WDR49: variants seen among roughly 807,000 people sequenced by gnomAD.
WDR49 encodes the protein cilia- and flagella-associated protein 337.
In WDR49, 107 loss-of-function variants were observed where a neutral mutation model predicts 119.5. That is an observed-to-expected ratio of 0.90 (90% CI 0.77 to 1.05). WDR49 has a LOEUF of 1.05. Among genes scored for constraint, WDR49 ranks in the 50% least tolerant of loss-of-function variants. WDR49 has a pLI of 0.00. For synonymous variants in WDR49, 425 were observed against 418.8 expected, an observed-to-expected ratio of 1.01 and a Z score of -0.18; for missense variants, 1,240 against 1,220.5, an observed-to-expected ratio of 1.02 and a Z score of -0.24.
At chr3:167,612,658 G>C (rs1716395017) in intron 5 of WDR49, among the ~76,000 whole-genome samples, 2 of 152,048 alleles carry the variant, frequency 1.3e-5, no homozygotes. Context: ...CAGAAATTCA[G>C]AAGATTGTTA....
intron 7 of WDR49, among the ~76,000 whole-genome samples, chr3:167,592,101 AATACT>A (rs1172520047): frequency 1.3e-5 from 2 of 152,142 alleles, no homozygotes; most frequent in African/African-American, 4.8e-5. Context: ...GAGGCTTGAA[AATACT>A]ATCTTATAAT....
At chr3:167,489,855 T>A (rs1751064661) in intron 18 of WDR49, among the ~76,000 whole-genome samples, 1 of 152,138 alleles carries the variant, frequency 6.6e-6, no homozygotes, top group South Asian at 2.1e-4. Flanking sequence ...ACATTCTTCC[T>A]CCTATTCTGT....
intron 8 of WDR49, among the ~76,000 whole-genome samples, chr3:167,569,509 C>CA (rs1450166509): frequency 1.3e-5 from 2 of 150,930 alleles, no homozygotes; most frequent in Non-Finnish European, 3.0e-5. Flanking sequence ...TGCAAATATC[C>CA]AAAAAAAGTT....
intron 2 of WDR49, among the ~76,000 whole-genome samples, chr3:167,640,905 A>C (rs1216101292): frequency 6.6e-6 from 1 of 151,760 alleles, no homozygotes; most frequent in Non-Finnish European, 1.5e-5. Flanking sequence ...TTATTTTAAT[A>C]ATGGAAGTGT....
chr3:167,571,720 T>C (rs1189630945), intron 8 of WDR49, among the ~76,000 whole-genome samples: 1 of 152,244 alleles, frequency 6.6e-6, no homozygotes, highest in African/African-American at 2.4e-5. Flanking sequence ...GTTTAGAATA[T>C]GTTGATATCA....
intron 7 of WDR49, among the ~76,000 whole-genome samples, chr3:167,595,566 A>C (rs1408216930): frequency 6.6e-6 from 1 of 152,236 alleles, no homozygotes; most frequent in Non-Finnish European, 1.5e-5. Flanking sequence ...ATAACATTGC[A>C]TATCTACAAC....
intron 10 of WDR49, among the ~76,000 whole-genome samples, chr3:167,546,667 C>T (rs1057087313): frequency 1.9e-5 from 2 of 104,064 alleles, no homozygotes; most frequent in African/African-American, 7.1e-5. Context: ...TATGTGAGAA[C>T]AAAATTAGTT....
chr3:167,594,303 C>T (rs1460316111), intron 7 of WDR49, among the ~76,000 whole-genome samples: 2 of 152,118 alleles, frequency 1.3e-5, no homozygotes, highest in Non-Finnish European at 2.9e-5. Flanking sequence ...GTGATATGGG[C>T]AATGAAGTTC....
At chr3:167,522,544 C>T (rs756335660) in intron 15 of WDR49, 60 bp from the exon 16 acceptor site, 97 of 1,521,030 alleles carry the variant, frequency 6.4e-5, no homozygotes, top group Admixed American at 8.8e-5. Flanking sequence ...CAAACATTTA[C>T]GTGTGTTTAC....
chr3:167,621,509 A>T lies in WDR49; in HGVS notation c.741T>A (p.Asp247Glu). 1 of 1,535,090 alleles carries T rather than the reference A, an allele frequency of 6.5e-7. No individual in the cohort carries two copies. The highest frequency in any genetic ancestry group is 8.7e-7 in the Non-Finnish European group (1 of 1,146,262). ...ICMDYWYDPL[D>E]ANESILSFGD... The stretch of plus-strand genomic sequence containing the variant: ...CAAAAGAAAGAATTGATTCATTGGC[A>T]TCAAGAGGATCATACCAATAATCCA... Residue 247 changes from aspartate to glutamate, a missense_variant, in exon 4 of 19, where the codon GAT (aspartate) becomes GAA (glutamate). Asp to Glu is a conservative substitution (Grantham distance 45, BLOSUM62 2). Transcript: ENST00000682715.
intron 10 of WDR49, among the ~76,000 whole-genome samples, chr3:167,545,456 C>A (rs1712116556): frequency 7.0e-6 from 1 of 142,874 alleles, no homozygotes; most frequent in African/African-American, 2.6e-5. Context: ...AAATGCCCGT[C>A]AATCAATAAG....
intron 7 of WDR49, among the ~76,000 whole-genome samples, chr3:167,589,188 G>T (rs989204162): frequency 2.6e-5 from 4 of 152,204 alleles, no homozygotes; most frequent in Non-Finnish European, 4.4e-5. Flanking sequence ...ATTTATTGAA[G>T]AAACTGTCTT....
chr3:167,588,101 C>T (rs1054152378), intron 7 of WDR49, among the ~76,000 whole-genome samples: 3 of 152,100 alleles, frequency 2.0e-5, no homozygotes, highest in Admixed American at 1.3e-4. Flanking sequence ...CCAACCTCCC[C>T]CACCACTACC....
chr3:167,547,125 C>G (rs1297992854), intron 10 of WDR49, among the ~76,000 whole-genome samples: 3 of 151,866 alleles, frequency 2.0e-5, no homozygotes, highest in Admixed American at 6.6e-5. Flanking sequence ...ATATTCCATT[C>G]TGATTCTTAT....
chr3:167,605,557 A>C (rs770556365), intron 5 of WDR49, among the ~76,000 whole-genome samples: 1 of 152,180 alleles, frequency 6.6e-6, no homozygotes, highest in Non-Finnish European at 1.5e-5. Flanking sequence ...GTGTAAATCA[A>C]ACAATTAGAG....
chr3:167,533,545 G>A (rs1190923542), intron 11 of WDR49, among the ~76,000 whole-genome samples: 2 of 152,110 alleles, frequency 1.3e-5, no homozygotes, highest in South Asian at 2.1e-4. Context: ...GTGTGTATGT[G>A]TGTGGGTGGG....
chr3:167,645,289 C>T (rs1349299575), intron 2 of WDR49, among the ~76,000 whole-genome samples: 2 of 152,062 alleles, frequency 1.3e-5, no homozygotes, highest in Admixed American at 6.6e-5. Context: ...CAGCTCACTG[C>T]AACCTTCACC....
At chr3:167,601,991 T>G in intron 7 of WDR49, 136 bp downstream of exon 7, 1 of 1,147,784 alleles carries the variant, frequency 8.7e-7, no homozygotes, top group Non-Finnish European at 1.2e-6. Context: ...AAATATAGAC[T>G]TCCAAAAACA....
intron 13 of WDR49, among the ~76,000 whole-genome samples, chr3:167,530,078 G>T (rs1218953084): frequency 6.6e-6 from 1 of 152,026 alleles, no homozygotes; most frequent in Non-Finnish European, 1.5e-5. Flanking sequence ...AATTCATATT[G>T]TGAGTATAAG....
Sources: allele counts gnomAD v4.1 joint callset (sites outside exome capture counted in the v4.1 genomes callset), GRCh38; gene constraint gnomAD v4.1.1; transcripts MANE v1.5; gene names NCBI Gene and HGNC (gene_info 2026-07-23, HGNC 2026-07-21).